TRIM37: variants seen among roughly 807,000 people sequenced by gnomAD.
TRIM37 encodes E3 ubiquitin-protein ligase TRIM37.
In TRIM37, 80 loss-of-function variants were observed where a neutral mutation model predicts 129.8. The ratio of observed to expected loss-of-function variants is 0.62; its 90% CI spans 0.51 to 0.74. The LOEUF (loss-of-function observed/expected upper bound fraction) is 0.74. Ranked by LOEUF, TRIM37 falls within the 30% of genes least tolerant of loss-of-function variation. The pLI is 0.00. For synonymous variants in TRIM37, 389 were observed against 387.1 expected (o/e 1.00, Z -0.06); for missense variants, 1,054 against 1,176.5 (o/e 0.90, Z 1.52).
At chr17:59,018,610 G>A (rs1166267168) in intron 19 of TRIM37, among the ~76,000 whole-genome samples, 3 of 151,994 alleles carry the variant, frequency 2.0e-5, no homozygotes, top group African/African-American at 7.2e-5. Context: ...AGAGACAACA[G>A]CAAAGACATC....
chr17:59,104,175 C>G, intron 2 of TRIM37, 118 bp downstream of exon 2: 1 of 865,746 alleles, frequency 1.2e-6, no homozygotes, highest in Non-Finnish European at 1.9e-6. Context: ...CAACCCCAAG[C>G]ACAGTGCAAG....
chr17:59,091,530 T>C (rs1227632396), intron 2 of TRIM37, among the ~76,000 whole-genome samples, 190 bp from the exon 3 acceptor site: 3 of 106,256 alleles, frequency 2.8e-5, no homozygotes, highest in Admixed American at 2.7e-4. Flanking sequence ...TAATGTATAA[T>C]GTATAATAAT....
chr17:58,978,837 G>C (rs2031187076), downstream of TRIM37, among the ~76,000 whole-genome samples: 1 of 152,180 alleles, frequency 6.6e-6, no homozygotes, highest in Admixed American at 6.5e-5. Context: ...ACAATGAATG[G>C]ATTTGGAAGT....
Position 59,001,520 on chromosome 17 carries a change from G to A in TRIM37, c.2812+78C>T, listed in dbSNP as rs544870424. On this transcript the variant is annotated intron_variant, in intron 23 of 23. Coordinates refer to ENST00000262294, the MANE Select transcript of TRIM37 (RefSeq NM_015294.6). ...CAGTAGAGCGGAAAAAGTAGAAGTA[G>A]CAGCAGCAGAAGAAGAAGAAAGAGA... 6 of 1,580,460 alleles carry A rather than the reference G, an allele frequency of 3.8e-6. No individual in the cohort carries two copies. The African/African-American group carries it at 8.1e-5, about 21-fold the overall frequency.
rs1465685793 is a variant in TRIM37 at position 59,088,426 on chromosome 17, C to T, written c.165-19G>A. 1.5e-6 allele frequency: 2 copies of T among 1,317,332 alleles called. No individual in the cohort carries two copies. Among genetic ancestry groups the T allele is most frequent in the Non-Finnish European group, 1.1e-6 (1 of 909,240 alleles). 81.6% of individuals were successfully genotyped at this position (1,317,332 alleles called of 1,614,324 possible). ...TGGAGCACTGGGGAGAAAATCCATA[C>T]ACATACACTAATTCAGGAATTTGAG... is the stretch of plus-strand genomic sequence containing the variant. On this transcript the variant is annotated intron_variant, in intron 3 of 23. Coordinates refer to ENST00000262294, the MANE Select transcript of TRIM37 (RefSeq NM_015294.6).
rs551024712 is a variant in TRIM37 at position 59,090,388 on chromosome 17, C to T, written c.164+912G>A. 1.6e-4 allele frequency among the ~76,000 whole-genome samples: 24 copies of T among 152,008 alleles called. No individual in the cohort carries two copies. The South Asian group carries it at 4.1e-3, about 26-fold the overall frequency. On this transcript the variant is annotated intron_variant, in intron 3 of 23. Transcript: ENST00000262294. ...AGAAAAAGCATATGGGAATCACATA[C>T]GCATATATATATATAAATATAGGCA...
intron 19 of TRIM37, among the ~76,000 whole-genome samples, chr17:59,018,110 C>T (rs1160539123): frequency 1.3e-5 from 2 of 152,044 alleles, no homozygotes; most frequent in Non-Finnish European, 2.9e-5. Flanking sequence ...TACTTGAAAT[C>T]AAAATGTCTG....
Position 59,028,439 on chromosome 17 carries a change from C to T in TRIM37, c.2233G>A (p.Val745Ile). The T allele has an allele frequency of 6.2e-7, 1 of 1,613,484 alleles. No individual in the cohort carries two copies. Among genetic ancestry groups the T allele is most frequent in the South Asian group, 1.1e-5 (1 of 91,086 alleles). The stretch of plus-strand genomic sequence containing the variant: ...CAGTTTCGTATGTAACAATTGGCAA[C>T]TGATGACTTTGCCAGGAGTTCCATT... ...LGMELLAKSS[V>I]ANCYIRNSTN... The change falls in exon 19 of 24, where the codon GTT (valine) becomes ATT (isoleucine). Residue 745 changes from valine (V) to isoleucine (I), a missense_variant. Val to Ile is a conservative substitution (Grantham distance 29, BLOSUM62 3). Coordinates refer to ENST00000262294, the MANE Select transcript of TRIM37 (RefSeq NM_015294.6).
intron 16 of TRIM37, among the ~76,000 whole-genome samples, 159 bp downstream of exon 16, chr17:59,047,524 A>G (rs2039941305): frequency 6.6e-6 from 1 of 152,216 alleles, no homozygotes; most frequent in African/African-American, 2.4e-5. Context: ...ACAAACAAAA[A>G]TTATTGGCTA....
At chr17:58,980,564 A>G (rs890283375), downstream of TRIM37, 7 of 1,614,054 alleles carry the variant, frequency 4.3e-6, no homozygotes, top group Admixed American at 8.3e-5. This position sits in a 1 kb window ranked among gnomAD's most constrained non-coding sequence, Gnocchi z 4.7. Flanking sequence ...AAAGAAAGCA[A>G]ATCTTATTAA....
At chr17:58,980,455 G>A (rs1253099708), downstream of TRIM37, 8 of 1,614,082 alleles carry the variant, frequency 5.0e-6, no homozygotes, top group African/African-American at 1.3e-5. The surrounding 1 kb of genome is among the most constrained non-coding windows in gnomAD (Gnocchi z 4.7). Context: ...TCAACGTGCT[G>A]GAAGACCCAG....
chr17:59,039,228 G>A (rs1568052344), intron 17 of TRIM37, among the ~76,000 whole-genome samples: 1 of 152,066 alleles, frequency 6.6e-6, no homozygotes, highest in African/African-American at 2.4e-5. Context: ...CTGCTGAATC[G>A]ATTTAGTTGT....
At position 58,999,259 on chromosome 17, in the gene TRIM37, C is replaced by A. The variant is rs748610821; in HGVS notation, c.*118G>T. On this transcript the variant is annotated 3_prime_UTR_variant, in exon 24 of 24. Coordinates refer to ENST00000262294, the MANE Select transcript of TRIM37 (RefSeq NM_015294.6). Reference sequence around the variant, plus strand: ...CAGTTTCCAAATTACTATTTCAGGTCGAGATAATGAAGAAATAAGACCAAA... The same window carrying A: ...CAGTTTCCAAATTACTATTTCAGGTAGAGATAATGAAGAAATAAGACCAAA... The A allele has an allele frequency of 1.1e-4, 175 of 1,599,278 alleles. No homozygotes were observed. Among genetic ancestry groups the A allele is most frequent in the Non-Finnish European group, 1.4e-4 (169 of 1,173,782 alleles).
chr17:59,042,235 G>C (rs1052537648), intron 16 of TRIM37, among the ~76,000 whole-genome samples: 1 of 150,758 alleles, frequency 6.6e-6, no homozygotes, highest in African/African-American at 2.4e-5. Flanking sequence ...AATTAGCTGG[G>C]TGTGGTGGCA....
chr17:59,099,585 A>G (rs925534437), intron 2 of TRIM37, among the ~76,000 whole-genome samples: 2 of 152,096 alleles, frequency 1.3e-5, no homozygotes, highest in Non-Finnish European at 2.9e-5. Flanking sequence ...CCCTTACCAA[A>G]GACAACATAT....
rs754200321 is a variant in TRIM37, at chr17:59,049,197, A to G, written c.1511T>C (p.Ile504Thr). The change falls in exon 15 of 24, where the codon ATT (isoleucine) becomes ACT (threonine). Residue 504 changes from isoleucine (I) to threonine (T), a missense_variant. Physicochemically the swap from Ile to Thr is moderately conservative, Grantham distance 89 (BLOSUM62 -1). This residue lies in a region of TRIM37 where 752 missense variants were observed against 870.8 expected (regional missense o/e 0.86). Coordinates refer to ENST00000262294, the MANE Select transcript of TRIM37 (RefSeq NM_015294.6). The part of the protein sequence containing the change: ...AKEDEEDEEK[I>T]QNEDYHHELS... The stretch of plus-strand genomic sequence containing the variant: ...TATTACATGATAATCTTCATTCTGA[A>G]TCTTCTCCTCATCTTCTTCATCCTC... 3.1e-6 allele frequency: 5 copies of G among 1,614,026 alleles called. No individual in the cohort carries two copies. The highest frequency in any genetic ancestry group is 2.5e-6 in the Non-Finnish European group (3 of 1,179,990).
Position 59,012,415 on chromosome 17 carries a change from G to A in TRIM37, c.2608C>T (p.Leu870=), listed in dbSNP as rs749518751. The A allele has an allele frequency of 8.7e-6, 14 of 1,611,190 alleles. No homozygotes were observed. Among genetic ancestry groups the A allele is most frequent in the East Asian group, 6.7e-5 (3 of 44,886 alleles). The change falls in exon 22 of 24, where the codon CTG becomes TTG. Residue 870 remains leucine (L), a synonymous_variant. Transcript: ENST00000262294. ...TTATTTTCCAAATCAGTCATCTGCA[G>A]TCCTTCCAGATGACCTCCTTTAGCA... The part of the protein sequence containing the change: ...ANAKGGHLEG[L]QMTDLENNSE...
rs746268683 is a variant in TRIM37, at chr17:59,031,952, A to G, written c.1892T>C (p.Ile631Thr). Residue 631 changes from isoleucine to threonine, a missense_variant, in exon 18 of 24, where the codon ATA (isoleucine) becomes ACA (threonine). Ile to Thr is a moderately conservative substitution (Grantham distance 89). Transcript: ENST00000262294. The stretch of plus-strand genomic sequence containing the variant: ...AGGCTGTAAGCCCCACAAATTTTCT[A>G]TACTGCTCCGGTCCTTAAGGTCCAA... The part of the protein sequence containing the change: ...HLLDLKDRSS[I>T]ENLWGLQPRP... 1.5e-5 allele frequency: 25 copies of G among 1,614,036 alleles called. No individual in the cohort carries two copies. The highest frequency in any genetic ancestry group is 1.9e-5 in the Non-Finnish European group (23 of 1,180,020).
intron 2 of TRIM37, among the ~76,000 whole-genome samples, chr17:59,097,524 C>T (rs2045017055): frequency 6.6e-6 from 1 of 151,642 alleles, no homozygotes; most frequent in Admixed American, 6.6e-5. Flanking sequence ...ACATTTGCAA[C>T]AGCATCAAAA....
Sources: gnomAD v4.1 joint callset for allele counts (sites outside exome capture counted in the v4.1 genomes callset) on GRCh38, gnomAD v4.1.1 for gene constraint, gnomAD v4.1.1 regional missense constraint, Gnocchi (gnomAD v3.1) non-coding constraint, MANE v1.5 for transcripts, NCBI Gene and HGNC (gene_info 2026-07-23, HGNC 2026-07-21) for gene names.